The following SLC13A5 variants were observed in gnomAD, a reference collection of about 807,000 sequenced individuals.
SLC13A5 encodes the protein solute carrier family 13 member 5, also known as Na(+)/citrate cotransporter.
Under a neutral mutation model 56.5 loss-of-function variants are expected in SLC13A5, and 25 were observed. The observed-to-expected ratio is 0.44, with a 90% CI of 0.32 to 0.62. SLC13A5 has a LOEUF of 0.62. SLC13A5 is among the 20% of genes least tolerant of loss of function. The pLI, the probability that SLC13A5 is intolerant of heterozygous loss-of-function variation, is 0.04. For missense variants in SLC13A5, 649 were observed against 737.8 expected (o/e 0.88, Z 1.39); for synonymous variants, 307 against 301.5 (o/e 1.02, Z -0.19).
intron 3 of SLC13A5, 147 bp from the exon 4 acceptor site, chr17:6,704,203 G>T: frequency 3.5e-6 from 3 of 856,288 alleles, no homozygotes; most frequent in East Asian, 2.6e-5. Context: ...TAGGGATGAC[G>T]GTTTTAGAGC....
rs1430252436 is a variant in SLC13A5, at chr17:6,706,591, G to C, written c.368+51C>G. ...CTGTGCCATCCTCCACCCCCTTCCA[G>C]CCCTGGGGCTCATGCAGAGCCACGT... is the stretch of plus-strand genomic sequence containing the variant. On this transcript the variant is annotated intron_variant, in intron 3 of 11. Coordinates refer to ENST00000433363, the MANE Select transcript of SLC13A5 (RefSeq NM_177550.5). 5 of 1,596,992 alleles carry C rather than the reference G, an allele frequency of 3.1e-6. No homozygotes were observed. In the South Asian group the frequency reaches 4.5e-5, roughly 14 times the overall value.
In SLC13A5 at chr17:6,703,142, T is replaced by C. The variant is rs1973762837; in HGVS notation, c.548-4A>G. 7 of 1,613,862 alleles carry C rather than the reference T, an allele frequency of 4.3e-6. No homozygotes were observed. The highest frequency in any genetic ancestry group is 4.2e-6 in the Non-Finnish European group (5 of 1,180,032). The stretch of plus-strand genomic sequence containing the variant: ...CCTTCAAAAATCACTTGACTCCCTG[T>C]GGTGGGCACAGCGCTGTTAGCTGAG... On this transcript the variant is annotated splice_region_variant and splice_polypyrimidine_tract_variant and intron_variant, in intron 4 of 11. Coordinates refer to ENST00000433363, the MANE Select transcript of SLC13A5 (RefSeq NM_177550.5).
rs59197080 is a variant in SLC13A5 at position 6,711,485 on chromosome 17, GGTGTGT to G, written c.102+1741_102+1746del. Among the ~76,000 whole-genome samples the G allele has an allele frequency of 3.7e-4, 55 of 148,210 alleles. 2 individuals are homozygous for G. Among genetic ancestry groups the G allele is most frequent in the Admixed American group, 2.8e-3 (42 of 14,972 alleles). On this transcript the variant is annotated intron_variant, in intron 1 of 11. Coordinates refer to ENST00000433363, the MANE Select transcript of SLC13A5 (RefSeq NM_177550.5). This position sits in a 1 kb window ranked among gnomAD's most constrained non-coding sequence, Gnocchi z 4.0. ...CACTGAGTTAGGGTTTCCAGTTCAG[GGTGTGT>G]GTGTGTGTGTGTGTGTATGTGTATG...
At chr17:6,690,693 G>T in intron 10 of SLC13A5, 86 bp downstream of exon 10, 1 of 1,578,038 alleles carries the variant, frequency 6.3e-7, no homozygotes, top group Non-Finnish European at 8.7e-7. Context: ...GTCTGGCCTG[G>T]ACATTGCTGC....
Position 6,685,512 on chromosome 17 carries a change from A to G in SLC13A5, c.*695T>C, listed in dbSNP as rs529990818. ...CAGGGGGCCAGTCGATTAAAACAGA[A>G]CCAAGTGATGAAGGGCGTAGGTTGG... On this transcript the variant is annotated 3_prime_UTR_variant, in exon 12 of 12. Coordinates refer to ENST00000433363, the MANE Select transcript of SLC13A5 (RefSeq NM_177550.5). This position sits in a 1 kb window ranked among gnomAD's most constrained non-coding sequence, Gnocchi z 4.2. 6.6e-6 allele frequency: 1 copy of G among 152,522 alleles called. No homozygotes were observed. The highest frequency in any genetic ancestry group is 2.4e-5 in the African/African-American group (1 of 41,546). 9.4% of individuals were successfully genotyped at this position (152,522 alleles called of 1,614,324 possible).
chr17:6,696,026 G>C (rs1166476126), intron 6 of SLC13A5, 85 bp from the exon 7 acceptor site: 4 of 1,286,586 alleles, frequency 3.1e-6, no homozygotes, highest in Non-Finnish European at 4.4e-6. Context: ...TTCTACAGCA[G>C]AATGTAGCAA....
In SLC13A5 at chr17:6,713,082, C is replaced by T. The variant is rs933611085; in HGVS notation, c.102+150G>A. The T allele has an allele frequency of 2.8e-6, 2 of 727,052 alleles. No individual in the cohort carries two copies. Among genetic ancestry groups the T allele is most frequent in the African/African-American group, 1.8e-5 (1 of 56,618 alleles). 45.0% of individuals were successfully genotyped at this position (727,052 alleles called of 1,614,324 possible). A position where few individuals can be genotyped will look rare whatever the true frequency, so the allele number is the denominator to read the frequency against. On this transcript the variant is annotated intron_variant, in intron 1 of 11. Coordinates refer to ENST00000433363, the MANE Select transcript of SLC13A5 (RefSeq NM_177550.5). This position sits in a 1 kb window ranked among gnomAD's most constrained non-coding sequence, Gnocchi z 7.3. ...GATTCTTTACAGGGCACCTCCCATC[C>T]GGCACCTGGAGCTCCTGAGTGCGCG...
Position 6,687,524 on chromosome 17 carries a change from G to T in SLC13A5, c.1575+5C>A. 1 of 1,613,668 alleles carries T rather than the reference G, an allele frequency of 6.2e-7. No homozygotes were observed. Among genetic ancestry groups the T allele is most frequent in the Non-Finnish European group, 8.5e-7 (1 of 1,179,874 alleles). On this transcript the variant is annotated splice_donor_5th_base_variant and intron_variant, in intron 11 of 11. Coordinates refer to ENST00000433363, the MANE Select transcript of SLC13A5 (RefSeq NM_177550.5). The surrounding 1 kb of genome is among the most constrained non-coding windows in gnomAD (Gnocchi z 5.0). ...GACGGGAGTAAATAAAAACAGCTGTGTTACCATGTCAGCAACCTTGAGGTG... is the reference window on the plus strand; with the variant it reads ...GACGGGAGTAAATAAAAACAGCTGTTTTACCATGTCAGCAACCTTGAGGTG...
chr17:6,704,135 G>A (rs1485325069), intron 3 of SLC13A5, 79 bp from the exon 4 acceptor site: 6 of 1,479,912 alleles, frequency 4.1e-6, no homozygotes, highest in Non-Finnish European at 5.5e-6. Context: ...CTGGGGACTG[G>A]GTCCACCCCT....
At position 6,713,112 on chromosome 17, in the gene SLC13A5, C is replaced by CCGGG; in HGVS notation, c.102+116_102+119dup. The CCGGG allele has an allele frequency of 9.9e-7, 1 of 1,007,932 alleles. No individual in the cohort carries two copies. Among genetic ancestry groups the CCGGG allele is most frequent in the Non-Finnish European group, 1.5e-6 (1 of 678,234 alleles). The allele number at this position is 1,007,932 out of a possible 1,614,324, so 62.4% of individuals were successfully genotyped here. Reference sequence around the variant, plus strand: ...CCTGGAGCTCCTGAGTGCGCGCGCCCCGGGAGAGCTGTGCTCCCCGCGAAA... The same window carrying CCGGG: ...CCTGGAGCTCCTGAGTGCGCGCGCCCCGGGCGGGAGAGCTGTGCTCCCCGCGAAA... On this transcript the variant is annotated intron_variant, in intron 1 of 11. Transcript: ENST00000433363. The surrounding 1 kb of genome is among the most constrained non-coding windows in gnomAD (Gnocchi z 7.3).
At chr17:6,696,453 G>A (rs938892654) in intron 6 of SLC13A5, among the ~76,000 whole-genome samples, 3 of 152,132 alleles carry the variant, frequency 2.0e-5, no homozygotes. Context: ...TGCAGGATTA[G>A]GGATCCAGGA....
chr17:6,707,976 T>TG (rs1567625684), intron 1 of SLC13A5, among the ~76,000 whole-genome samples: 6 of 130,344 alleles, frequency 4.6e-5, no homozygotes, highest in Non-Finnish European at 8.1e-5. Context: ...TCAGTATTTT[T>TG]TGTGTGTGTG....
At position 6,695,764 on chromosome 17, in the gene SLC13A5, G is replaced by A. The variant is rs200365614; in HGVS notation, c.1017C>T (p.Pro339=). The change falls in exon 7 of 12, where the codon CCC becomes CCT. Residue 339 remains proline (P), a synonymous_variant. Coordinates refer to ENST00000433363, the MANE Select transcript of SLC13A5 (RefSeq NM_177550.5). ...CCACCCAGGCAACAGTCAGCCAGCC[G>A]GGCATGAAGCCGGGGTCTCGGGAGA... The part of the protein sequence containing the change: ...LWFSRDPGFM[P]GWLTVAWVEG... 119 of 1,614,114 alleles carry A rather than the reference G, an allele frequency of 7.4e-5. No individual in the cohort carries two copies. The East Asian group carries it at 1.4e-3, about 19-fold the overall frequency.
intron 10 of SLC13A5, chr17:6,688,194 G>A (rs1219657462): frequency 6.6e-6 from 1 of 152,338 alleles, no homozygotes; most frequent in East Asian, 1.9e-4. Flanking sequence ...AATATTTGCT[G>A]AGTGTATGAA....
Position 6,713,209 on chromosome 17 carries a change from G to T in SLC13A5, c.102+23C>A, listed in dbSNP as rs763574870. 2.9e-5 allele frequency: 47 copies of T among 1,610,992 alleles called. No individual in the cohort carries two copies. The highest frequency in any genetic ancestry group is 3.6e-5 in the Non-Finnish European group (43 of 1,178,118). On this transcript the variant is annotated intron_variant, in intron 1 of 11. Transcript: ENST00000433363. This position sits in a 1 kb window ranked among gnomAD's most constrained non-coding sequence, Gnocchi z 7.3. ...GGCACAGGACGCCGGGTGTCCGAAG[G>T]GCTGCCTGGAGATGCAACTGACCTT...
In SLC13A5 at chr17:6,710,171, G is replaced by A. The variant is rs183824587; in HGVS notation, c.103-3015C>T. On this transcript the variant is annotated intron_variant, in intron 1 of 11. Transcript: ENST00000433363. Reference sequence around the variant, plus strand: ...ACTAACTTCCTTGGGGCTTGGTGTCGGGGTGTACCCTGGGCAGGCCATCAG... The same window carrying A: ...ACTAACTTCCTTGGGGCTTGGTGTCAGGGTGTACCCTGGGCAGGCCATCAG... 1.5e-3 allele frequency among the ~76,000 whole-genome samples: 232 copies of A among 152,352 alleles called. 3 individuals carry two copies. The highest frequency in any genetic ancestry group is 5.3e-3 in the African/African-American group (220 of 41,578).
intron 3 of SLC13A5, 138 bp downstream of exon 3, chr17:6,706,504 G>T (rs552369946): frequency 4.0e-6 from 5 of 1,252,436 alleles, no homozygotes; most frequent in Non-Finnish European, 5.4e-6. Flanking sequence ...AAGCTATAAC[G>T]CACCCCACCC....
intron 3 of SLC13A5, chr17:6,705,659 G>A (rs1168481477): frequency 6.6e-6 from 1 of 152,228 alleles, no homozygotes; most frequent in Admixed American, 6.5e-5. Flanking sequence ...CCCCGGGCAT[G>A]GGTTGCCTGC....
rs1254293047 is a variant in SLC13A5, at chr17:6,686,229, T to C, written c.1685A>G (p.Asn562Ser). 1 of 1,614,168 alleles carries C rather than the reference T, an allele frequency of 6.2e-7. No individual in the cohort carries two copies. Among genetic ancestry groups the C allele is most frequent in the Middle Eastern group, 1.6e-4 (1 of 6,062 alleles). ...FDLDHFPDWANVTHIET is the reference protein window; with the variant it reads ...FDLDHFPDWASVTHIET ...TTCCTAAGTCTCAATATGTGTCACA[T>C]TAGCCCAGTCAGGGAAATGATCCAA... The change falls in exon 12 of 12, where the codon AAT (asparagine) becomes AGT (serine). Residue 562 changes from asparagine (N) to serine (S), a missense_variant. Physicochemically the swap from Asn to Ser is conservative, Grantham distance 46. Coordinates refer to ENST00000433363, the MANE Select transcript of SLC13A5 (RefSeq NM_177550.5).
Sources: gnomAD v4.1 joint callset for allele counts (sites outside exome capture counted in the v4.1 genomes callset) on GRCh38, gnomAD v4.1.1 for gene constraint, Gnocchi (gnomAD v3.1) non-coding constraint, MANE v1.5 for transcripts, NCBI Gene and HGNC (gene_info 2026-07-23, HGNC 2026-07-21) for gene names.